MRAP2: variants seen among roughly 807,000 people sequenced by gnomAD.
The protein encoded by MRAP2 is melanocortin 2 receptor accessory protein 2, also known as melanocortin-2 receptor accessory protein 2.
In MRAP2, 20 loss-of-function variants were observed where a neutral mutation model predicts 17.4. That is an observed-to-expected ratio of 1.15 (90% CI 0.81 to 1.67). MRAP2 has a LOEUF of 1.67. Ranked by LOEUF, MRAP2 falls within the 40% of genes most tolerant of loss-of-function variation. The probability of loss-of-function intolerance (pLI) is 0.00; values close to 1 mark genes in which losing one functional copy is unlikely to be tolerated. For synonymous variants in MRAP2, 96 were observed against 88.4 expected (o/e 1.09, Z -0.48); for missense variants, 238 against 240.0 (o/e 0.99, Z 0.05).
chr6:84,063,183 G>A, intron 3 of MRAP2, 191 bp downstream of exon 3: 1 of 985,298 alleles, frequency 1.0e-6, no homozygotes, highest in Non-Finnish European at 1.2e-6. Flanking sequence ...TGCGTCTTGG[G>A]CTTATTTTCA....
At chr6:84,083,691 T>C (rs1400975300) in intron 3 of MRAP2, among the ~76,000 whole-genome samples, 1 of 152,204 alleles carries the variant, frequency 6.6e-6, no homozygotes, top group African/African-American at 2.4e-5. Context: ...ATTTAAGTAA[T>C]GTGAACTAAA....
chr6:84,111,716 T>C, the MRAP2 span, among the ~76,000 whole-genome samples: 1 of 152,236 alleles, frequency 6.6e-6, no homozygotes, highest in African/African-American at 2.4e-5. Flanking sequence ...TTTTTGCTCA[T>C]TCAGTATGAT....
intron 3 of MRAP2, among the ~76,000 whole-genome samples, chr6:84,074,655 C>T (rs759937660): frequency 6.6e-6 from 1 of 152,204 alleles, no homozygotes; most frequent in Non-Finnish European, 1.5e-5. Flanking sequence ...CAACAGACAT[C>T]AGCAATGGAC....
the MRAP2 span, among the ~76,000 whole-genome samples, chr6:84,138,074 T>TA: frequency 6.6e-6 from 1 of 152,336 alleles, no homozygotes; most frequent in Non-Finnish European, 1.5e-5. Context: ...ATTGCTCAGT[T>TA]ATCTCATGGC....
chr6:84,146,183 A>G, the MRAP2 span, among the ~76,000 whole-genome samples: 1 of 152,142 alleles, frequency 6.6e-6, no homozygotes, highest in East Asian at 1.9e-4. Context: ...AAAGCTACCA[A>G]CTTGGAGAGT....
intron 1 of MRAP2, among the ~76,000 whole-genome samples, chr6:84,046,087 A>C (rs1031667797): frequency 6.6e-6 from 1 of 152,226 alleles, no homozygotes; most frequent in African/African-American, 2.4e-5. Flanking sequence ...CTGTGAAAAT[A>C]TTGATGTCAG....
At chr6:84,130,914 C>T in the MRAP2 span, among the ~76,000 whole-genome samples, 3 of 152,040 alleles carry the variant, frequency 2.0e-5, no homozygotes, top group Non-Finnish European at 4.4e-5. Flanking sequence ...AATTTGTTTG[C>T]TCTTGCTTCT....
chr6:84,036,609 C>G (rs1014018060), intron 1 of MRAP2, among the ~76,000 whole-genome samples: 5 of 152,070 alleles, frequency 3.3e-5, no homozygotes, highest in African/African-American at 1.2e-4. Context: ...AAAGAGTGAG[C>G]AGCAGCAAGA....
chr6:84,111,246 G>A, the MRAP2 span, among the ~76,000 whole-genome samples: 1 of 152,164 alleles, frequency 6.6e-6, no homozygotes, highest in African/African-American at 2.4e-5. Context: ...AGCATGGAAT[G>A]TTTTTCCATT....
chr6:84,041,707 G>C (rs2099487636), intron 1 of MRAP2, among the ~76,000 whole-genome samples: 1 of 152,216 alleles, frequency 6.6e-6, no homozygotes, highest in African/African-American at 2.4e-5. Context: ...GACTTGCATG[G>C]GGCCTGTAGC....
At chr6:84,138,639 T>C in the MRAP2 span, among the ~76,000 whole-genome samples, 3 of 152,240 alleles carry the variant, frequency 2.0e-5, no homozygotes, top group African/African-American at 4.8e-5. Flanking sequence ...TTAAAAATCA[T>C]GTGCTGCGTC....
At chr6:84,091,239 CTTTTTTTTTTT>C (rs34508361), downstream of MRAP2, among the ~76,000 whole-genome samples, 4 of 108,066 alleles carry the variant, frequency 3.7e-5, no homozygotes, top group Non-Finnish European at 7.1e-5. Flanking sequence ...AGTTTGTTAA[CTTTTTTTTTTT>C]TTTTTTTTTT....
the MRAP2 span, chr6:84,124,964 TG>T: frequency 1.2e-6 from 1 of 859,146 alleles, no homozygotes; most frequent in Non-Finnish European, 1.8e-6. Context: ...GTTTGCTTTC[TG>T]GAAACATATT....
In MRAP2 at chr6:84,049,167, G is replaced by A. The variant is rs151071338; in HGVS notation, c.-7-6145G>A. Among the ~76,000 whole-genome samples the A allele has an allele frequency of 9.1e-3, 1,381 of 152,280 alleles. 14 individuals carry two copies. The highest frequency in any genetic ancestry group is 0.033 in the South Asian group (158 of 4,826). The stretch of plus-strand genomic sequence containing the variant: ...TGGCTGGGTGCGGTGGCTCATGTCT[G>A]TAATCCCAGCACTTTGGGAGGCAGA... On this transcript the variant is annotated intron_variant, in intron 1 of 3. Coordinates refer to ENST00000257776, the MANE Select transcript of MRAP2 (RefSeq NM_138409.4).
chr6:84,043,681 G>A (rs868251277), intron 1 of MRAP2, among the ~76,000 whole-genome samples: 1 of 151,904 alleles, frequency 6.6e-6, no homozygotes, highest in African/African-American at 2.4e-5. Context: ...GTGAGTGGGT[G>A]GGTGGGTGTA....
At chr6:84,126,884 C>G in the MRAP2 span, among the ~76,000 whole-genome samples, 1 of 152,178 alleles carries the variant, frequency 6.6e-6, no homozygotes, top group African/African-American at 2.4e-5. Context: ...CAACATAGTA[C>G]AGTGCCCCAT....
chr6:84,099,249 C>T, the MRAP2 span, among the ~76,000 whole-genome samples: 69 of 147,736 alleles, frequency 4.7e-4, no homozygotes, highest in Admixed American at 4.7e-3. Context: ...GATCTTTTCT[C>T]CAGTGTATTG....
rs1301833447 is a variant in MRAP2, at chr6:84,090,217, T to A, written c.*736T>A. On this transcript the variant is annotated 3_prime_UTR_variant, in exon 4 of 4. Transcript: ENST00000257776. ...CAGTATAAACTAGGGTACTGCCTCGTATCTCTTGTAGGCTCTCTCAAATCT... is the reference window on the plus strand; with the variant it reads ...CAGTATAAACTAGGGTACTGCCTCGAATCTCTTGTAGGCTCTCTCAAATCT... 1 of 152,210 alleles carries A rather than the reference T, an allele frequency of 6.6e-6. No individual in the cohort carries two copies. Among genetic ancestry groups the A allele is most frequent in the Non-Finnish European group, 1.5e-5 (1 of 68,050 alleles). 9.4% of individuals were successfully genotyped at this position (152,210 alleles called of 1,614,324 possible).
At chr6:84,039,203 G>A (rs2099486881) in intron 1 of MRAP2, among the ~76,000 whole-genome samples, 1 of 152,142 alleles carries the variant, frequency 6.6e-6, no homozygotes, top group African/African-American at 2.4e-5. Context: ...ACATTAGTCT[G>A]TTGTTCATGA....
Sources: gnomAD v4.1 joint callset for allele counts (sites outside exome capture counted in the v4.1 genomes callset) on GRCh38, gnomAD v4.1.1 for gene constraint, MANE v1.5 for transcripts, NCBI Gene and HGNC (gene_info 2026-07-23, HGNC 2026-07-21) for gene names.